The following INPP5A variants were observed in gnomAD, a reference collection of about 807,000 sequenced individuals.
INPP5A encodes inositol polyphosphate-5-phosphatase A.
In INPP5A, 14 loss-of-function variants were observed where a neutral mutation model predicts 65.2. That is an observed-to-expected ratio of 0.21 (90% CI 0.14 to 0.34). The LOEUF (loss-of-function observed/expected upper bound fraction) is 0.34. Among genes scored for constraint, INPP5A ranks in the 10% least tolerant of loss-of-function variants. The pLI is 1.00. For missense variants in INPP5A, 431 were observed against 545.6 expected (o/e 0.79, Z 2.09); for synonymous variants, 207 against 208.3 (o/e 0.99, Z 0.05).
chr10:132,607,753 G>T (rs1046231907), intron 1 of INPP5A, among the ~76,000 whole-genome samples, 162 bp from the exon 2 acceptor site: 5 of 152,246 alleles, frequency 3.3e-5, no homozygotes, highest in Non-Finnish European at 7.3e-5. Context: ...GTCCCCGCGT[G>T]GGCCTGGGGT....
chr10:132,579,389 G>A (rs2071452737), intron 1 of INPP5A, among the ~76,000 whole-genome samples: 1 of 152,248 alleles, frequency 6.6e-6, no homozygotes, highest in Non-Finnish European at 1.5e-5. Flanking sequence ...CCCCGCCCCA[G>A]TACTGTGGTG....
At chr10:132,679,499 G>A (rs540457993) in intron 4 of INPP5A, among the ~76,000 whole-genome samples, 1 of 152,088 alleles carries the variant, frequency 6.6e-6, no homozygotes, top group African/African-American at 2.4e-5. Flanking sequence ...AGGTGGAGGA[G>A]AAGGGCTCGT....
intron 12 of INPP5A, among the ~76,000 whole-genome samples, chr10:132,771,762 C>A (rs1346028717): frequency 8.8e-6 from 1 of 113,056 alleles, no homozygotes. Flanking sequence ...ACAGCAGCCA[C>A]CCCATGAAGA....
At chr10:132,777,980 A>C (rs1289849009) in intron 13 of INPP5A, 198 bp downstream of exon 13, 5 of 1,392,570 alleles carry the variant, frequency 3.6e-6, no homozygotes, top group Non-Finnish European at 4.7e-6. Flanking sequence ...GGGCTGGGGC[A>C]GCAGCAGATG....
At chr10:132,564,535 G>C (rs1029944029) in intron 1 of INPP5A, among the ~76,000 whole-genome samples, 1 of 152,154 alleles carries the variant, frequency 6.6e-6, no homozygotes, top group Non-Finnish European at 1.5e-5. Context: ...ACTGTGAGTC[G>C]GTGGCCGTGA....
intron 11 of INPP5A, among the ~76,000 whole-genome samples, chr10:132,763,702 T>C (rs1043916896): frequency 6.7e-6 from 1 of 149,138 alleles, no homozygotes. Flanking sequence ...AACACACACA[T>C]GCCTGTGTAT....
intron 11 of INPP5A, among the ~76,000 whole-genome samples, chr10:132,756,697 A>G (rs1846625405): frequency 6.6e-6 from 1 of 152,192 alleles, no homozygotes; most frequent in Non-Finnish European, 1.5e-5. Context: ...CACACTTCTT[A>G]CCATTACTGT....
chr10:132,748,830 G>C (rs557204611), intron 9 of INPP5A, among the ~76,000 whole-genome samples: 21 of 152,310 alleles, frequency 1.4e-4, no homozygotes, highest in African/African-American at 5.1e-4. Flanking sequence ...CCGCAACCCT[G>C]ACCCTGCAGC....
chr10:132,649,022 G>A (rs1238429740), intron 3 of INPP5A, among the ~76,000 whole-genome samples: 2 of 152,030 alleles, frequency 1.3e-5, no homozygotes, highest in Non-Finnish European at 2.9e-5. Context: ...ATGTTAGATT[G>A]CCTGGTTCTG....
At chr10:132,631,235 C>T (rs911328371) in intron 2 of INPP5A, among the ~76,000 whole-genome samples, 1 of 152,200 alleles carries the variant, frequency 6.6e-6, no homozygotes, top group African/African-American at 2.4e-5. Flanking sequence ...CTCCGTGTGC[C>T]CTGGCCGGTC....
chr10:132,670,072 T>C (rs911026338), intron 4 of INPP5A, among the ~76,000 whole-genome samples: 11 of 86,462 alleles, frequency 1.3e-4, no homozygotes, highest in Admixed American at 1.1e-3. Flanking sequence ...TCAGCCCCCA[T>C]GTCCTCAGCT....
intron 2 of INPP5A, among the ~76,000 whole-genome samples, chr10:132,635,091 C>T (rs1192664377): frequency 6.6e-6 from 1 of 152,270 alleles, no homozygotes. Flanking sequence ...CTTTTGATGG[C>T]GCATATTTGA....
intron 1 of INPP5A, among the ~76,000 whole-genome samples, chr10:132,577,352 C>T (rs934650298): frequency 1.3e-5 from 2 of 152,230 alleles, no homozygotes; most frequent in African/African-American, 4.8e-5. Context: ...GTTAAGTTTA[C>T]ACAGGAGATA....
intron 8 of INPP5A, among the ~76,000 whole-genome samples, chr10:132,712,482 A>G (rs1011951308): frequency 2.1e-5 from 3 of 142,298 alleles, no homozygotes; most frequent in Non-Finnish European, 3.0e-5. Context: ...GTGTGTGGGT[A>G]CATGTCTATT....
intron 4 of INPP5A, among the ~76,000 whole-genome samples, chr10:132,681,608 G>A (rs1245507037): frequency 1.3e-5 from 2 of 152,080 alleles, no homozygotes; most frequent in African/African-American, 4.8e-5. Context: ...TGCTGATAAC[G>A]ATGGGAGGGA....
At chr10:132,725,151 G>T (rs1247932949) in intron 8 of INPP5A, among the ~76,000 whole-genome samples, 3 of 152,262 alleles carry the variant, frequency 2.0e-5, no homozygotes, top group Admixed American at 2.0e-4. Flanking sequence ...GTGAACAGGT[G>T]AAATCGGGAG....
In INPP5A at chr10:132,782,056, C is replaced by T. The variant is rs780920858; in HGVS notation, c.*27C>T. On this transcript the variant is annotated 3_prime_UTR_variant, in exon 16 of 16. Coordinates refer to ENST00000368594, the MANE Select transcript of INPP5A (RefSeq NM_005539.5). This position sits in a 1 kb window ranked among gnomAD's most constrained non-coding sequence, Gnocchi z 4.4. ...TGACAGGGAAGAGATGCCAGCGCCA[C>T]GAGAGGACACTTCGTGAGCCTCCCT... is the stretch of plus-strand genomic sequence containing the variant. 34 of 1,569,368 alleles carry T rather than the reference C, an allele frequency of 2.2e-5. No homozygotes were observed. Among genetic ancestry groups the T allele is most frequent in the South Asian group, 5.7e-5 (5 of 87,546 alleles).
rs1454346019 is a variant in INPP5A, at chr10:132,707,958, G to T, written c.475-355G>T. Among the ~76,000 whole-genome samples, 2 of 152,210 alleles carry T rather than the reference G, an allele frequency of 1.3e-5. No homozygotes were observed. Among genetic ancestry groups the T allele is most frequent in the African/African-American group, 4.8e-5 (2 of 41,444 alleles). On this transcript the variant is annotated intron_variant, in intron 6 of 15. Coordinates refer to ENST00000368594, the MANE Select transcript of INPP5A (RefSeq NM_005539.5). The surrounding 1 kb of genome is among the most constrained non-coding windows in gnomAD (Gnocchi z 5.5). Reference sequence around the variant, plus strand: ...AGTCTTCCCTGTGGTCCAGCCGAGGGCGGCCGTGTGTCTCGAGCTCCCTGA... The same window carrying T: ...AGTCTTCCCTGTGGTCCAGCCGAGGTCGGCCGTGTGTCTCGAGCTCCCTGA...
In INPP5A at chr10:132,616,111, C is replaced by G. The variant is rs969817781; in HGVS notation, c.117+8155C>G. Among the ~76,000 whole-genome samples, 3 of 152,156 alleles carry G rather than the reference C, an allele frequency of 2.0e-5. No individual in the cohort carries two copies. The highest frequency in any genetic ancestry group is 4.4e-5 in the Non-Finnish European group (3 of 68,026). The stretch of plus-strand genomic sequence containing the variant: ...AGCATGTGTGTGAGCGTGAGGATGC[C>G]CATGGCCAGTGGACATGCCTTCCTC... On this transcript the variant is annotated intron_variant, in intron 2 of 15. Transcript: ENST00000368594. The surrounding 1 kb of genome is among the most constrained non-coding windows in gnomAD (Gnocchi z 4.9).
Sources: gnomAD v4.1 joint callset for allele counts (sites outside exome capture counted in the v4.1 genomes callset) on GRCh38, gnomAD v4.1.1 for gene constraint, Gnocchi (gnomAD v3.1) non-coding constraint, MANE v1.5 for transcripts, NCBI Gene and HGNC (gene_info 2026-07-23, HGNC 2026-07-21) for gene names.